COL12A1: variants seen among roughly 807,000 people sequenced by gnomAD.
The protein encoded by COL12A1 is collagen type XII alpha 1 chain.
COL12A1 carries 114 observed loss-of-function variants against 349.7 expected under a neutral mutation model. The ratio of observed to expected loss-of-function variants is 0.33; its 90% CI spans 0.28 to 0.38. The LOEUF is 0.38. COL12A1 is among the 10% of genes least tolerant of loss of function. The pLI, the probability that COL12A1 is intolerant of heterozygous loss-of-function variation, is 1.00. For synonymous variants in COL12A1, 1,369 were observed against 1,329.0 expected (o/e 1.03, Z -0.66); for missense variants, 3,284 against 3,756.9 (o/e 0.87, Z 3.29).
At chr6:75,103,832 G>A (rs1464042496) in intron 54 of COL12A1, 22 bp from the exon 55 acceptor site, 3 of 1,595,532 alleles carry the variant, frequency 1.9e-6, no homozygotes, top group Non-Finnish European at 2.6e-6. Context: ...AGAGCACATA[G>A]TAGTGTGAAC....
chr6:75,144,731 T>C (rs1322364051), intron 25 of COL12A1, among the ~76,000 whole-genome samples: 1 of 152,260 alleles, frequency 6.6e-6, no homozygotes. Context: ...CCATATGGTC[T>C]ATACTGCTTT....
Position 75,137,566 on chromosome 6 carries a change from G to A in COL12A1, c.5265C>T (p.Gly1755=). 6.2e-7 allele frequency: 1 copy of A among 1,613,538 alleles called. No individual in the cohort carries two copies. Among genetic ancestry groups the A allele is most frequent in the Non-Finnish European group, 8.5e-7 (1 of 1,179,778 alleles). Residue 1755 remains glycine, a synonymous_variant, in exon 31 of 66, where the codon GGC becomes GGT. Coordinates refer to ENST00000322507, the MANE Select transcript of COL12A1 (RefSeq NM_004370.6). ...PILTTQAPKS[G]PRNLQVYNAT... is the part of the protein sequence containing the mutation. ...CATTGTACACTTGAAGGTTTCGTGG[G>A]CCACTTTTGGGAGCTGAAAGAAGAT...
At chr6:75,110,434 A>G (rs1768779184) in intron 51 of COL12A1, among the ~76,000 whole-genome samples, 1 of 152,104 alleles carries the variant, frequency 6.6e-6, no homozygotes, top group African/African-American at 2.4e-5. Context: ...CAGTTTAAAC[A>G]AATGCATAGT....
intron 47 of COL12A1, 106 bp downstream of exon 47, chr6:75,117,276 A>T (rs1054769028): frequency 4.5e-6 from 5 of 1,111,296 alleles, no homozygotes; most frequent in East Asian, 2.4e-5. Flanking sequence ...ATTTCCCAGG[A>T]TCTATTTATG....
rs1188268579 is a variant in COL12A1, at chr6:75,114,167, T to A, written c.7698-423A>T. On this transcript the variant is annotated intron_variant, in intron 49 of 65. Coordinates refer to ENST00000322507, the MANE Select transcript of COL12A1 (RefSeq NM_004370.6). ...TAAAGAGAATGAATCTTACTAAATA[T>A]ACTTAATTTCCAATGTCAGCTGTAT... Among the ~76,000 whole-genome samples the A allele has an allele frequency of 2.0e-5, 3 of 152,030 alleles. No homozygotes were observed. In the East Asian group the frequency reaches 5.8e-4, roughly 29 times the overall value.
intron 52 of COL12A1, among the ~76,000 whole-genome samples, chr6:75,107,498 T>C (rs1478699735): frequency 6.6e-6 from 1 of 152,116 alleles, no homozygotes; most frequent in Non-Finnish European, 1.5e-5. Context: ...CTCAAACTCC[T>C]GACCTCAAAT....
In COL12A1 at chr6:75,115,894, C is replaced by G; in HGVS notation, c.7587G>C (p.Leu2529=). 2 of 1,613,476 alleles carry G rather than the reference C, an allele frequency of 1.2e-6. No individual in the cohort carries two copies. Among genetic ancestry groups the G allele is most frequent in the Non-Finnish European group, 1.7e-6 (2 of 1,179,658 alleles). ...GTACAGAAGCAAAATTCTTTTCTGT[C>G]AGGTTGTATGCTTCAAGCATTTTAA... The part of the protein sequence containing the change: ...PGFKMLEAYN[L]TEKNFASVQG... Residue 2529 remains leucine, a synonymous_variant, in exon 49 of 66, where the codon CTG becomes CTC. Coordinates refer to ENST00000322507, the MANE Select transcript of COL12A1 (RefSeq NM_004370.6).
At chr6:75,133,716 A>G in intron 33 of COL12A1, 142 bp downstream of exon 33, 2 of 995,238 alleles carry the variant, frequency 2.0e-6, no homozygotes, top group South Asian at 1.6e-5. Context: ...GGCATCAACT[A>G]TTTACCCTCT....
At chr6:75,171,782 A>G (rs1768648161) in intron 13 of COL12A1, among the ~76,000 whole-genome samples, 1 of 152,232 alleles carries the variant, frequency 6.6e-6, no homozygotes, top group African/African-American at 2.4e-5. Flanking sequence ...ATACAATAAA[A>G]TGAAATGGAA....
At chr6:75,097,176 C>CA in intron 59 of COL12A1, 77 bp downstream of exon 59, 1 of 1,248,406 alleles carries the variant, frequency 8.0e-7, no homozygotes, top group Non-Finnish European at 1.2e-6. Flanking sequence ...GAATGTGCTT[C>CA]AAAGGCAGGT....
chr6:75,185,176 T>G (rs1409440442), intron 8 of COL12A1, among the ~76,000 whole-genome samples: 2 of 152,132 alleles, frequency 1.3e-5, no homozygotes, highest in African/African-American at 4.8e-5. Flanking sequence ...AGAAAGGAAG[T>G]CAAACTATCC....
Position 75,188,381 on chromosome 6 carries a change from T to C in COL12A1, c.978A>G (p.Glu326=). 6.2e-7 allele frequency: 1 copy of C among 1,613,166 alleles called. No individual in the cohort carries two copies. Among genetic ancestry groups the C allele is most frequent in the African/African-American group, 1.3e-5 (1 of 75,000 alleles). The stretch of plus-strand genomic sequence containing the variant: ...ACTCACCTTCTTCTCCACTAACCAA[T>C]TCACCAAGTTGTTCATCAACACCTG... The part of the protein sequence containing the change: ...VCSGVDEQLG[E]LVSGEEVVEP... Residue 326 remains glutamate, a synonymous_variant, in exon 8 of 66, where the codon GAA becomes GAG. Coordinates refer to ENST00000322507, the MANE Select transcript of COL12A1 (RefSeq NM_004370.6).
chr6:75,185,725 G>A (rs1247199464), intron 8 of COL12A1, among the ~76,000 whole-genome samples: 3 of 152,060 alleles, frequency 2.0e-5, no homozygotes, highest in Non-Finnish European at 2.9e-5. Flanking sequence ...TATGCTACAG[G>A]GCTGTGGTAA....
Position 75,106,493 on chromosome 6 carries a change from G to A in COL12A1, c.8104C>T (p.Gln2702Ter). 1 of 1,613,830 alleles carries A rather than the reference G, an allele frequency of 6.2e-7. No homozygotes were observed. The change falls in exon 53 of 66, where the codon CAA (glutamine) becomes TAA (stop). Residue 2702 changes from glutamine (Q) to a stop codon, truncating the protein, a stop_gained. Coordinates refer to ENST00000322507, the MANE Select transcript of COL12A1 (RefSeq NM_004370.6). LOFTEE classifies it high-confidence loss of function. ...CAGACAATGTCAAAACTCTGGATTT[G>A]GAACTGCAAACAACCAACAGCAACA... is the stretch of plus-strand genomic sequence containing the variant. The part of the protein sequence containing the change: ...LKGERKSAAF[Q>*]IQSFDIVCSP...
At chr6:75,135,968 T>C (rs1280869045) in intron 31 of COL12A1, among the ~76,000 whole-genome samples, 1 of 152,198 alleles carries the variant, frequency 6.6e-6, no homozygotes, top group Non-Finnish European at 1.5e-5. Flanking sequence ...CAGTTATTCA[T>C]CATTTTCATG....
rs1769399494 is a variant in COL12A1, at chr6:75,183,049, C to T, written c.1891+1G>A. ...AACTTTTACTCTCAAAGTCTACTAACCTTTCTTCTTTATAGCTGCCAATTC... is the reference window on the plus strand; with the variant it reads ...AACTTTTACTCTCAAAGTCTACTAATCTTTCTTCTTTATAGCTGCCAATTC... On this transcript the variant is annotated splice_donor_variant, in intron 10 of 65. Transcript: ENST00000322507. LOFTEE classifies it high-confidence loss of function. 6.3e-7 allele frequency: 1 copy of T among 1,595,106 alleles called. No homozygotes were observed. Among genetic ancestry groups the T allele is most frequent in the Non-Finnish European group, 8.5e-7 (1 of 1,172,936 alleles).
At chr6:75,153,548 T>C (rs923185376) in intron 17 of COL12A1, among the ~76,000 whole-genome samples, 6 of 152,204 alleles carry the variant, frequency 3.9e-5, no homozygotes, top group African/African-American at 9.6e-5. Context: ...AAAGAAATCA[T>C]TGGAAAAAAT....
Position 75,085,428 on chromosome 6 carries a change from A to C in COL12A1, c.*1119T>G. ...AAGGCACACACACACACACACAGCAAAAGCTAAATCATCACCCGCGGTGAT... is the reference window on the plus strand; with the variant it reads ...AAGGCACACACACACACACACAGCACAAGCTAAATCATCACCCGCGGTGAT... On this transcript the variant is annotated 3_prime_UTR_variant, in exon 66 of 66. Coordinates refer to ENST00000322507, the MANE Select transcript of COL12A1 (RefSeq NM_004370.6). 5 of 444,730 alleles carry C rather than the reference A, an allele frequency of 1.1e-5. No homozygotes were observed. The highest frequency in any genetic ancestry group is 2.4e-5 in the Admixed American group (1 of 41,332). The allele number at this position is 444,730 out of a possible 1,614,324, so 27.5% of individuals were successfully genotyped here.
chr6:75,118,355 A>G (rs1213382946), intron 46 of COL12A1, among the ~76,000 whole-genome samples: 2 of 152,242 alleles, frequency 1.3e-5, no homozygotes, highest in African/African-American at 2.4e-5. Flanking sequence ...ATGCATGTAC[A>G]GATGACAAGT....
Sources: allele counts gnomAD v4.1 joint callset (sites outside exome capture counted in the v4.1 genomes callset), GRCh38; gene constraint gnomAD v4.1.1; transcripts MANE v1.5; gene names NCBI Gene and HGNC (gene_info 2026-07-23, HGNC 2026-07-21).